Variants in ROBO2 observed in about 807,000 individuals in gnomAD.
The protein encoded by ROBO2 is roundabout homolog 2.
Under a neutral mutation model 160.8 loss-of-function variants are expected in ROBO2, and 53 were observed. That is an observed-to-expected ratio of 0.33 (90% CI 0.26 to 0.41). The LOEUF is 0.41. Among genes scored for constraint, ROBO2 ranks in the 10% least tolerant of loss-of-function variants. The pLI, the probability that ROBO2 is intolerant of heterozygous loss-of-function variation, is 1.00. For synonymous variants in ROBO2, 664 were observed against 611.7 expected, an observed-to-expected ratio of 1.09 and a Z score of -1.26; for missense variants, 1,577 against 1,722.4, an observed-to-expected ratio of 0.92 and a Z score of 1.49.
rs114061623 is a variant in ROBO2, at chr3:76,636,876, G to A, written c.110-461138G>A. On this transcript the variant is annotated intron_variant, in intron 2 of 26. Transcript: ENST00000487694. The stretch of plus-strand genomic sequence containing the variant: ...GTGATTTAATATCTTCCGATGTCCC[G>A]TAAAGCAATAGTATTGATATCAGCC... 3.3e-3 allele frequency among the ~76,000 whole-genome samples: 498 copies of A among 152,114 alleles called. 4 individuals are homozygous for A. Among genetic ancestry groups the A allele is most frequent in the African/African-American group, 0.011 (460 of 41,502 alleles).
chr3:77,291,647 C>T (rs1402493511), intron 2 of ROBO2, among the ~76,000 whole-genome samples: 34 of 151,636 alleles, frequency 2.2e-4, no homozygotes, highest in African/African-American at 7.5e-4. Flanking sequence ...GAGGCTAGAT[C>T]ACCCCAGACA....
intron 2 of ROBO2, among the ~76,000 whole-genome samples, chr3:76,724,018 G>A (rs547287876): frequency 1.3e-5 from 2 of 152,000 alleles, no homozygotes; most frequent in South Asian, 4.2e-4. Context: ...ATCACATTCA[G>A]CATCTACACT....
chr3:77,484,850 T>G (rs1582363889), intron 4 of ROBO2, among the ~76,000 whole-genome samples: 1 of 152,252 alleles, frequency 6.6e-6, no homozygotes, highest in East Asian at 1.9e-4. Flanking sequence ...TATAGTATTA[T>G]GACCATATTT....
rs557083092 is a variant in ROBO2 at position 76,612,482 on chromosome 3, T to A, written c.110-485532T>A. Among the ~76,000 whole-genome samples, 269 of 152,190 alleles carry A rather than the reference T, an allele frequency of 1.8e-3. 2 individuals are homozygous for A. Among genetic ancestry groups the A allele is most frequent in the Middle Eastern group, 3.4e-3 (1 of 294 alleles). ...ACCAAACACCACATGTTCTCACTCA[T>A]AAGTAGGAGCTGAACAATGAGAACA... On this transcript the variant is annotated intron_variant, in intron 2 of 26. Transcript: ENST00000487694.
At chr3:77,467,421 C>G (rs189157273) in intron 2 of ROBO2, among the ~76,000 whole-genome samples, 93 of 152,262 alleles carry the variant, frequency 6.1e-4, no homozygotes, top group Middle Eastern at 3.4e-3. Flanking sequence ...CTGTAACACA[C>G]CTACCTGGTA....
rs543124104 is a variant in ROBO2 at position 77,370,482 on chromosome 3, C to T, written c.389-106932C>T. Among the ~76,000 whole-genome samples the T allele has an allele frequency of 7.9e-5, 12 of 152,256 alleles. No homozygotes were observed. In the South Asian group the frequency reaches 8.3e-4, roughly 11 times the overall value. On this transcript the variant is annotated intron_variant, in intron 2 of 25. Transcript: ENST00000461745. The stretch of plus-strand genomic sequence containing the variant: ...CTCTCTCATTCTTTTTCTGGTGCTG[C>T]AGCTTTTTGCTGCCTCCTTCTTCCC...
chr3:76,967,413 C>T (rs2149265829), intron 2 of ROBO2, among the ~76,000 whole-genome samples: 1 of 150,860 alleles, frequency 6.6e-6, no homozygotes, highest in Admixed American at 6.6e-5. Context: ...CGCCATGTTG[C>T]CCAGGCTGGT....
chr3:77,292,890 A>C (rs2061487356), intron 2 of ROBO2, among the ~76,000 whole-genome samples: 1 of 151,574 alleles, frequency 6.6e-6, no homozygotes, highest in Admixed American at 6.6e-5. Flanking sequence ...ATTGACGATT[A>C]AACGGTAAGC....
intron 2 of ROBO2, among the ~76,000 whole-genome samples, chr3:76,821,427 G>A (rs116788140): frequency 0.016 from 2,416 of 151,994 alleles, 55 homozygotes; most frequent in African/African-American, 0.054. Flanking sequence ...TTCAGGCTAC[G>A]AACTGAAACT....
intron 7 of ROBO2, among the ~76,000 whole-genome samples, chr3:77,548,573 G>T (rs1170791719): frequency 6.6e-6 from 1 of 151,872 alleles, no homozygotes; most frequent in Non-Finnish European, 1.5e-5. Context: ...AATAAACATA[G>T]GATATTTAAA....
At chr3:77,584,430 G>A (rs886446423) in intron 16 of ROBO2, among the ~76,000 whole-genome samples, 13 of 152,014 alleles carry the variant, frequency 8.6e-5, no homozygotes, top group African/African-American at 3.1e-4. Context: ...TCTTCCTAGA[G>A]TTTACATGTT....
chr3:76,844,065 G>C (rs756074449), intron 2 of ROBO2, among the ~76,000 whole-genome samples: 2 of 151,862 alleles, frequency 1.3e-5, no homozygotes, highest in Non-Finnish European at 2.9e-5. Flanking sequence ...CCCTAGAAGC[G>C]TTCCGGTTCT....
chr3:76,760,289 G>A (rs2061229887), intron 2 of ROBO2, among the ~76,000 whole-genome samples: 1 of 151,682 alleles, frequency 6.6e-6, no homozygotes, highest in South Asian at 2.1e-4. Flanking sequence ...ATTACCGAAA[G>A]TAGTATCCTC....
At chr3:76,119,092 G>T (rs1576932829) in intron 2 of ROBO2, among the ~76,000 whole-genome samples, 1 of 152,124 alleles carries the variant, frequency 6.6e-6, no homozygotes. Flanking sequence ...TATATAAATT[G>T]TTTCTCATCA....
intron 2 of ROBO2, among the ~76,000 whole-genome samples, chr3:77,231,191 C>T (rs1201302503): frequency 6.6e-6 from 1 of 151,628 alleles, no homozygotes; most frequent in Admixed American, 6.6e-5. Flanking sequence ...GGTGAAACTT[C>T]ATCTCTACAA....
At chr3:76,353,536 C>A (rs1010681681) in intron 2 of ROBO2, among the ~76,000 whole-genome samples, 6 of 151,820 alleles carry the variant, frequency 4.0e-5, no homozygotes, top group African/African-American at 1.5e-4. Context: ...TAACATTTCT[C>A]ATACTCATTG....
chr3:77,418,361 G>A (rs114934549), intron 2 of ROBO2, among the ~76,000 whole-genome samples: 1,991 of 152,122 alleles, frequency 0.013, 37 homozygotes, highest in African/African-American at 0.035. Flanking sequence ...TTTCCAAATC[G>A]TGTACATTTT....
In ROBO2 at chr3:76,297,017, A is replaced by G. The variant is rs181692192; in HGVS notation, c.109+359415A>G. On this transcript the variant is annotated intron_variant, in intron 2 of 26. Transcript: ENST00000487694. ...AAGGCTGAGGAGATATGAGGCATGA[A>G]GGCACACATCTTCTGTAGCAGAATG... is the stretch of plus-strand genomic sequence containing the variant. Among the ~76,000 whole-genome samples, 373 of 152,302 alleles carry G rather than the reference A, an allele frequency of 2.4e-3. 1 individual carries two copies. The highest frequency in any genetic ancestry group is 1.9e-3 in the Non-Finnish European group (129 of 68,022).
chr3:76,114,621 C>G (rs1466330670), intron 2 of ROBO2, among the ~76,000 whole-genome samples: 1 of 151,722 alleles, frequency 6.6e-6, no homozygotes, highest in East Asian at 1.9e-4. Flanking sequence ...TGTAATGTTC[C>G]CAATATCACC....
Sources: gnomAD v4.1 joint callset for allele counts (sites outside exome capture counted in the v4.1 genomes callset) on GRCh38, gnomAD v4.1.1 for gene constraint, MANE v1.5 for transcripts, NCBI Gene and HGNC (gene_info 2026-07-23, HGNC 2026-07-21) for gene names.